POFUT2: variants seen among roughly 807,000 people sequenced by gnomAD.
The protein encoded by POFUT2 is GDP-fucose protein O-fucosyltransferase 2.
Under a neutral mutation model 55.0 loss-of-function variants are expected in POFUT2, and 30 were observed. That is an observed-to-expected ratio of 0.55 (90% CI 0.41 to 0.74). POFUT2 has a LOEUF of 0.74. POFUT2 is among the 30% of genes least tolerant of loss of function. POFUT2 has a pLI of 0.00. For missense variants in POFUT2, 524 were observed against 562.6 expected, an observed-to-expected ratio of 0.93 and a Z score of 0.69; for synonymous variants, 267 against 231.1, an observed-to-expected ratio of 1.16 and a Z score of -1.41.
chr21:45,267,020 G>A lies in POFUT2; in HGVS notation c.1136+570C>T, dbSNP rs997907011. On this transcript the variant is annotated intron_variant, in intron 8 of 8. Transcript: ENST00000349485. The surrounding 1 kb of genome is among the most constrained non-coding windows in gnomAD (Gnocchi z 4.4). Reference sequence around the variant, plus strand: ...CAGGGCCCACGCTCCCGGCCTCTGGGACGCTCACGGCAGCCCCACGAGAAT... The same window carrying A: ...CAGGGCCCACGCTCCCGGCCTCTGGAACGCTCACGGCAGCCCCACGAGAAT... The A allele has an allele frequency of 7.6e-6, 8 of 1,058,366 alleles. No individual in the cohort carries two copies. The Admixed American group carries it at 4.0e-4, about 53-fold the overall frequency. 65.6% of individuals were successfully genotyped at this position (1,058,366 alleles called of 1,614,324 possible).
chr21:45,283,292 CGGGGGGCGCCTGAGGCGGGGG>C, intron 3 of POFUT2, 70 bp downstream of exon 3: 1 of 539,178 alleles, frequency 1.9e-6, no homozygotes, highest in South Asian at 2.0e-5. Flanking sequence ...GAGGAGTGGG[CGGGGGGCGCCTGAGGCGGGGG>C]GGGGGGGACG....
At position 45,282,524 on chromosome 21, in the gene POFUT2, G is replaced by A; in HGVS notation, c.528-65C>T. The A allele has an allele frequency of 1.1e-6, 1 of 921,998 alleles. No individual in the cohort carries two copies. The highest frequency in any genetic ancestry group is 1.9e-5 in the Admixed American group (1 of 52,364). The allele number at this position is 921,998 out of a possible 1,614,324, so 57.1% of individuals were successfully genotyped here. On this transcript the variant is annotated intron_variant, in intron 3 of 8. Transcript: ENST00000349485. The surrounding 1 kb of genome is among the most constrained non-coding windows in gnomAD (Gnocchi z 4.6). ...TGCTTTCACAAGGAAAACAAATCAAGTCTAGACACGCACACACTGTGGCTT... is the reference window on the plus strand; with the variant it reads ...TGCTTTCACAAGGAAAACAAATCAAATCTAGACACGCACACACTGTGGCTT...
rs910024483 is a variant in POFUT2 at position 45,270,479 on chromosome 21, C to G, written c.832-460G>C. On this transcript the variant is annotated intron_variant, in intron 6 of 8. Coordinates refer to ENST00000349485, the MANE Select transcript of POFUT2 (RefSeq NM_133635.6). The surrounding 1 kb of genome is among the most constrained non-coding windows in gnomAD (Gnocchi z 4.6). ...GCTACAGCAAATTCTAACCAACAAC[C>G]CTGCTCCAAGGAAGGAGAAAGCAAC... is the stretch of plus-strand genomic sequence containing the variant. Among the ~76,000 whole-genome samples the G allele has an allele frequency of 6.6e-6, 1 of 152,230 alleles. No homozygotes were observed. Among genetic ancestry groups the G allele is most frequent in the Non-Finnish European group, 1.5e-5 (1 of 68,044 alleles).
intron 7 of POFUT2, among the ~76,000 whole-genome samples, chr21:45,268,620 C>T (rs1028632767): frequency 4.0e-5 from 6 of 151,162 alleles, no homozygotes; most frequent in Non-Finnish European, 7.4e-5. Context: ...ATGTGGGGAG[C>T]GCCTCTGCCC....
chr21:45,272,338 A>G (rs2093226080), intron 6 of POFUT2, among the ~76,000 whole-genome samples: 2 of 152,248 alleles, frequency 1.3e-5, no homozygotes, highest in South Asian at 2.1e-4. Context: ...TAAAAGGATC[A>G]GTCCAACGGG....
chr21:45,282,708 G>A lies in POFUT2; in HGVS notation c.528-249C>T. 1.8e-6 allele frequency: 1 copy of A among 546,972 alleles called. No individual in the cohort carries two copies. The highest frequency in any genetic ancestry group is 3.4e-6 in the Non-Finnish European group (1 of 291,270). 33.9% of individuals were successfully genotyped at this position (546,972 alleles called of 1,614,324 possible). On this transcript the variant is annotated intron_variant, in intron 3 of 8. Transcript: ENST00000349485. This position sits in a 1 kb window ranked among gnomAD's most constrained non-coding sequence, Gnocchi z 4.6. ...AGGGGCTGGCGGGATGGCCGGGGAG[G>A]CAGAGGGAGCCGGACAGAGGCAGCC... is the stretch of plus-strand genomic sequence containing the variant.
At chr21:45,269,631 A>C (rs140195034) in intron 7 of POFUT2, among the ~76,000 whole-genome samples, 45,329 of 151,094 alleles carry the variant, frequency 0.3, 6,914 homozygotes, top group East Asian at 0.43. Flanking sequence ...ATCTCAAGTA[A>C]TCAGGGACAC....
rs2030845994 is a variant in POFUT2 at position 45,282,775 on chromosome 21, A to C, written c.528-316T>G. 1 of 514,930 alleles carries C rather than the reference A, an allele frequency of 1.9e-6. No homozygotes were observed. Among genetic ancestry groups the C allele is most frequent in the Non-Finnish European group, 3.9e-6 (1 of 257,896 alleles). The allele number at this position is 514,930 out of a possible 1,614,324, so 31.9% of individuals were successfully genotyped here. ...CCAGCCTGGCTGTGACCGTCAGCCA[A>C]GTCAACCGCGCCCTTCCCAAGAGCT... is the stretch of plus-strand genomic sequence containing the variant. On this transcript the variant is annotated intron_variant, in intron 3 of 8. Transcript: ENST00000349485. This position sits in a 1 kb window ranked among gnomAD's most constrained non-coding sequence, Gnocchi z 4.6.
chr21:45,275,525 C>T (rs1167673134), intron 6 of POFUT2, among the ~76,000 whole-genome samples: 3 of 152,222 alleles, frequency 2.0e-5, no homozygotes, highest in African/African-American at 7.2e-5. Context: ...GGCCTGAATG[C>T]CCATTGACCA....
In POFUT2 at chr21:45,285,585, G is replaced by T; in HGVS notation, c.382+93C>A. The T allele has an allele frequency of 6.7e-7, 1 of 1,482,498 alleles. No homozygotes were observed. Among genetic ancestry groups the T allele is most frequent in the Non-Finnish European group, 9.3e-7 (1 of 1,071,550 alleles). 91.8% of individuals were successfully genotyped at this position (1,482,498 alleles called of 1,614,324 possible). A position where few individuals can be genotyped will look rare whatever the true frequency, so the allele number is the denominator to read the frequency against. On this transcript the variant is annotated intron_variant, in intron 2 of 8. Transcript: ENST00000349485. This position sits in a 1 kb window ranked among gnomAD's most constrained non-coding sequence, Gnocchi z 4.9. Reference sequence around the variant, plus strand: ...CTGGAGGATGCTGGTGAGGCTGGATGCAATCGTAAGCCCAACCTGATGTCT... The same window carrying T: ...CTGGAGGATGCTGGTGAGGCTGGATTCAATCGTAAGCCCAACCTGATGTCT...
Position 45,287,893 on chromosome 21 carries a change from T to G in POFUT2, c.-22A>C, listed in dbSNP as rs1211727791. 7.7e-7 allele frequency: 1 copy of G among 1,293,144 alleles called. No individual in the cohort carries two copies. Among genetic ancestry groups the G allele is most frequent in the Non-Finnish European group, 9.9e-7 (1 of 1,014,160 alleles). The allele number at this position is 1,293,144 out of a possible 1,614,324, so 80.1% of individuals were successfully genotyped here. A position where few individuals can be genotyped will look rare whatever the true frequency, so the allele number is the denominator to read the frequency against. On this transcript the variant is annotated 5_prime_UTR_variant, in exon 1 of 9. Transcript: ENST00000349485. ...CCATGGCCCCGGGCGGCCACGCACT[T>G]CCGGCGGCCGCGCCCCGCCCCGGAA...
At position 45,286,485 on chromosome 21, in the gene POFUT2, T is replaced by C. The variant is rs150212796; in HGVS notation, c.132-557A>G. 1.2e-3 allele frequency among the ~76,000 whole-genome samples: 176 copies of C among 152,372 alleles called. 1 individual carries two copies. Among genetic ancestry groups the C allele is most frequent in the African/African-American group, 4.0e-3 (168 of 41,580 alleles). On this transcript the variant is annotated intron_variant, in intron 1 of 8. Transcript: ENST00000349485. ...GGTGACAGCTGGATTCCCATACCCG[T>C]TTCTGCATTCAATCTGTTGTGACAT...
Position 45,283,491 on chromosome 21 carries a change from A to G in POFUT2, c.419T>C (p.Leu140Pro). ...GGPFIDQVYVLQSYAEGWKEG... is the reference protein window; with the variant it reads ...GGPFIDQVYVPQSYAEGWKEG... ...TTTCCACCCCTCTGCGTAACTTTGC[A>G]GGACGTAAACCTGGTCAATAAAGGG... The change falls in exon 3 of 9, where the codon CTG becomes CCG. Residue 140 changes from leucine (L) to proline (P), a missense_variant. This residue lies in a region of POFUT2 where 274 missense variants were observed against 244.4 expected (regional missense o/e 1.12). Transcript: ENST00000349485. 1 of 1,613,962 alleles carries G rather than the reference A, an allele frequency of 6.2e-7. No individual in the cohort carries two copies. Among genetic ancestry groups the G allele is most frequent in the Non-Finnish European group, 8.5e-7 (1 of 1,179,952 alleles).
rs956655906 is a variant in POFUT2 at position 45,266,683 on chromosome 21, C to T, written c.1136+907G>A. On this transcript the variant is annotated intron_variant, in intron 8 of 8. Transcript: ENST00000349485. ...ACCCACACCCAGCAGACAGCATCAC[C>T]CGGAGCCTCTGTGGGTCTTACACAC... 5.0e-6 allele frequency: 5 copies of T among 1,002,950 alleles called. No homozygotes were observed. In the Admixed American group the frequency reaches 2.6e-4, roughly 53 times the overall value. The allele number at this position is 1,002,950 out of a possible 1,614,324, so 62.1% of individuals were successfully genotyped here. A position where few individuals can be genotyped will look rare whatever the true frequency, so the allele number is the denominator to read the frequency against.
rs1054802530 is a variant in POFUT2 at position 45,267,690 on chromosome 21, A to G, written c.1036T>C (p.Leu346=). Residue 346 remains leucine (L), a synonymous_variant, in exon 8 of 9, where the codon TTA becomes CTA. Transcript: ENST00000349485. The surrounding 1 kb of genome is among the most constrained non-coding windows in gnomAD (Gnocchi z 4.4). ...RKEYEELKKL[L]PEMVRFEPTW... is the part of the protein sequence containing the mutation. Reference sequence around the variant, plus strand: ...GGTTCAAACCTCACCATCTCGGGTAACAGCTTTTTTAGCTCTTCATATTCT... The same window carrying G: ...GGTTCAAACCTCACCATCTCGGGTAGCAGCTTTTTTAGCTCTTCATATTCT... 3.7e-6 allele frequency: 6 copies of G among 1,614,050 alleles called. No homozygotes were observed. The highest frequency in any genetic ancestry group is 1.3e-5 in the African/African-American group (1 of 74,940).
intron 6 of POFUT2, among the ~76,000 whole-genome samples, chr21:45,274,374 A>C (rs1411101482): frequency 2.0e-5 from 3 of 152,246 alleles, no homozygotes; most frequent in Non-Finnish European, 4.4e-5. Context: ...AATATTGTGA[A>C]AATGACCATA....
chr21:45,273,071 C>A (rs1333935354), intron 6 of POFUT2, among the ~76,000 whole-genome samples: 2 of 151,232 alleles, frequency 1.3e-5, no homozygotes, highest in African/African-American at 4.9e-5. Flanking sequence ...AATGAACAGA[C>A]AAAAAAATAC....
At position 45,285,980 on chromosome 21, in the gene POFUT2, G is replaced by C; in HGVS notation, c.132-52C>G. On this transcript the variant is annotated intron_variant, in intron 1 of 8. Transcript: ENST00000349485. This position sits in a 1 kb window ranked among gnomAD's most constrained non-coding sequence, Gnocchi z 4.9. Reference sequence around the variant, plus strand: ...GTCTCAAATGCTGAGGTTTCTGCACGGAAAACCCGACTGCTCACAAGTCTC... The same window carrying C: ...GTCTCAAATGCTGAGGTTTCTGCACCGAAAACCCGACTGCTCACAAGTCTC... The C allele has an allele frequency of 2.0e-6, 3 of 1,528,622 alleles. No homozygotes were observed. In the East Asian group the frequency reaches 6.8e-5, roughly 35 times the overall value. The allele number at this position is 1,528,622 out of a possible 1,614,324, so 94.7% of individuals were successfully genotyped here.
rs1336966065 is a variant in POFUT2 at position 45,282,951 on chromosome 21, C to T, written c.527+432G>A. On this transcript the variant is annotated intron_variant, in intron 3 of 8. Coordinates refer to ENST00000349485, the MANE Select transcript of POFUT2 (RefSeq NM_133635.6). The surrounding 1 kb of genome is among the most constrained non-coding windows in gnomAD (Gnocchi z 4.6). The stretch of plus-strand genomic sequence containing the variant: ...AAGACCTCCATCCCTGTGGCAACAT[C>T]CAAATGCATGAAAAGACACAGGGAA... 6.4e-6 allele frequency: 3 copies of T among 472,286 alleles called. No individual in the cohort carries two copies. In the Admixed American group the frequency reaches 7.0e-5, roughly 11 times the overall value. 29.3% of individuals were successfully genotyped at this position (472,286 alleles called of 1,614,324 possible).
Sources: allele counts gnomAD v4.1 joint callset (sites outside exome capture counted in the v4.1 genomes callset), GRCh38; gene constraint gnomAD v4.1.1; regional missense constraint gnomAD v4.1.1; non-coding constraint Gnocchi (gnomAD v3.1); transcripts MANE v1.5; gene names NCBI Gene and HGNC (gene_info 2026-07-23, HGNC 2026-07-21).